Variants in HECTD4 observed in about 807,000 individuals in gnomAD.
The protein encoded by HECTD4 is HECT domain E3 ubiquitin protein ligase 4, also known as probable E3 ubiquitin-protein ligase HECTD4.
Under a neutral mutation model 471.5 loss-of-function variants are expected in HECTD4, and 114 were observed. The observed-to-expected ratio is 0.24, with a 90% confidence interval of 0.21 to 0.28. The LOEUF is 0.28. Ranked by LOEUF, HECTD4 falls within the 10% of genes least tolerant of loss-of-function variation. The probability of loss-of-function intolerance (pLI) is 1.00; values close to 1 mark genes in which losing one functional copy is unlikely to be tolerated. For synonymous variants in HECTD4, 2,012 were observed against 2,256.0 expected (o/e 0.89, Z 3.07); for missense variants, 3,866 against 5,651.5 (o/e 0.68, Z 10.13).
intron 16 of HECTD4, 99 bp downstream of exon 16, chr12:112,265,076 A>G (rs995876043): frequency 1.7e-6 from 2 of 1,145,416 alleles, no homozygotes; most frequent in Admixed American, 2.8e-5. Context: ...TTCATAAATT[A>G]TTGTAAGTCT....
At chr12:112,298,478 T>TA (rs1176562698) in intron 7 of HECTD4, among the ~76,000 whole-genome samples, 1 of 145,642 alleles carries the variant, frequency 6.9e-6, no homozygotes, top group African/African-American at 2.6e-5. Flanking sequence ...AAAATTATAT[T>TA]AATTTTTTTT....
intron 1 of HECTD4, among the ~76,000 whole-genome samples, chr12:112,338,240 G>C (rs752191439): frequency 3.3e-5 from 5 of 152,162 alleles, no homozygotes; most frequent in Non-Finnish European, 5.9e-5. Flanking sequence ...GTCTTATGTA[G>C]ACACTTATGA....
intron 62 of HECTD4, among the ~76,000 whole-genome samples, chr12:112,180,133 C>T (rs745524780): frequency 6.6e-6 from 1 of 152,246 alleles, no homozygotes; most frequent in Non-Finnish European, 1.5e-5. Flanking sequence ...CCTGGGGAGT[C>T]TGGCCTAGGC....
chr12:112,213,569 C>A lies in HECTD4; in HGVS notation c.7466-919G>T, dbSNP rs2032826329. On this transcript the variant is annotated intron_variant, in intron 48 of 75. Transcript: ENST00000682272. This position sits in a 1 kb window ranked among gnomAD's most constrained non-coding sequence, Gnocchi z 4.0. Reference sequence around the variant, plus strand: ...GGCTAGGTGGCAGGCACCTGTAGTCCCAGCTACTTGGGAGGCTGAGGCAGA... The same window carrying A: ...GGCTAGGTGGCAGGCACCTGTAGTCACAGCTACTTGGGAGGCTGAGGCAGA... Among the ~76,000 whole-genome samples, 1 of 151,646 alleles carries A rather than the reference C, an allele frequency of 6.6e-6. No homozygotes were observed. Among genetic ancestry groups the A allele is most frequent in the Admixed American group, 6.6e-5 (1 of 15,186 alleles).
chr12:112,181,528 T>G (rs1359774771), intron 62 of HECTD4, among the ~76,000 whole-genome samples: 1 of 152,132 alleles, frequency 6.6e-6, no homozygotes, highest in Non-Finnish European at 1.5e-5. Flanking sequence ...AGTGGCGTGA[T>G]CTCAGCTCAC....
At chr12:112,361,433 C>A (rs1006328068) in intron 1 of HECTD4, among the ~76,000 whole-genome samples, 1 of 151,986 alleles carries the variant, frequency 6.6e-6, no homozygotes, top group Admixed American at 6.6e-5. Context: ...CCACACCTGG[C>A]TAATTTTCTA....
At chr12:112,206,613 T>C (rs2032592115) in intron 52 of HECTD4, among the ~76,000 whole-genome samples, 1 of 147,732 alleles carries the variant, frequency 6.8e-6, no homozygotes. Context: ...CTCTGATCAC[T>C]GCAAGCTCTG....
chr12:112,311,179 T>C (rs1215812519), intron 4 of HECTD4, among the ~76,000 whole-genome samples: 1 of 151,956 alleles, frequency 6.6e-6, no homozygotes, highest in East Asian at 1.9e-4. Flanking sequence ...GGAGAATTGC[T>C]TGAACCTGGG....
At chr12:112,350,867 C>G (rs1310248195) in intron 1 of HECTD4, among the ~76,000 whole-genome samples, 1 of 152,162 alleles carries the variant, frequency 6.6e-6, no homozygotes, top group Non-Finnish European at 1.5e-5. Context: ...GCTAGGTCAA[C>G]TCTTTGGCTA....
chr12:112,343,953 TAAAAAGAC>T (rs1407880039), intron 1 of HECTD4, among the ~76,000 whole-genome samples: 1 of 152,208 alleles, frequency 6.6e-6, no homozygotes, highest in Non-Finnish European at 1.5e-5. Flanking sequence ...TTGATGTTTT[TAAAAAGAC>T]AATACTGTAT....
intron 32 of HECTD4, among the ~76,000 whole-genome samples, chr12:112,240,835 G>A (rs2033625197): frequency 6.6e-6 from 1 of 152,174 alleles, no homozygotes; most frequent in Non-Finnish European, 1.5e-5. Context: ...GTTATTAGCA[G>A]AAGATGAAAG....
rs750826991 is a variant in HECTD4, at chr12:112,184,044, T to G, written c.10779+143A>C. 1.7e-5 allele frequency: 13 copies of G among 780,074 alleles called. No individual in the cohort carries two copies. The highest frequency in any genetic ancestry group is 2.3e-5 in the Non-Finnish European group (11 of 475,586). The allele number at this position is 780,074 out of a possible 1,614,324, so 48.3% of individuals were successfully genotyped here. ...GAGACGTTACCCCAAGCAGCCTCAC[T>G]GTGCTCATTCCAAGGGCTGCCCCAG... On this transcript the variant is annotated intron_variant, in intron 61 of 75. Coordinates refer to ENST00000682272, the MANE Select transcript of HECTD4 (RefSeq NM_001388303.1). The surrounding 1 kb of genome is among the most constrained non-coding windows in gnomAD (Gnocchi z 9.1).
chr12:112,259,646 A>T (rs2034100545), intron 18 of HECTD4, among the ~76,000 whole-genome samples: 1 of 151,504 alleles, frequency 6.6e-6, no homozygotes, highest in East Asian at 1.9e-4. Context: ...CGGTCTCCCA[A>T]ATTGTTGGGA....
At chr12:112,357,813 T>C (rs1352815034) in intron 1 of HECTD4, among the ~76,000 whole-genome samples, 1 of 152,246 alleles carries the variant, frequency 6.6e-6, no homozygotes. Context: ...ATGAATGGCA[T>C]TAATCCAATT....
rs1270597862 is a variant in HECTD4 at position 112,235,078 on chromosome 12, T to A, written c.5914A>T (p.Ser1972Cys). ...AGCTATCACAATCATTATGGTCACC[T>A]TAGCAATGGCTGGAGGACTTCATGG... The part of the protein sequence containing the change: ...SSHEVLQPLL[S>C]SSEGRPFRLG... The change falls in exon 37 of 76, where the codon AGT (serine) becomes TGT (cysteine). Residue 1972 changes from serine to cysteine, a missense_variant and splice_region_variant. Coordinates refer to ENST00000682272, the MANE Select transcript of HECTD4 (RefSeq NM_001388303.1). This position sits in a 1 kb window ranked among gnomAD's most constrained non-coding sequence, Gnocchi z 5.0. 6.4e-7 allele frequency: 1 copy of A among 1,563,894 alleles called. No individual in the cohort carries two copies. The highest frequency in any genetic ancestry group is 1.4e-5 in the African/African-American group (1 of 73,920).
At chr12:112,267,715 C>T (rs1048429043) in intron 13 of HECTD4, among the ~76,000 whole-genome samples, 14 of 152,188 alleles carry the variant, frequency 9.2e-5, no homozygotes, top group African/African-American at 3.1e-4. Flanking sequence ...AAGTAAATTT[C>T]TAATTCTCAG....
intron 1 of HECTD4, among the ~76,000 whole-genome samples, chr12:112,366,142 A>G (rs1297997145): frequency 6.6e-6 from 1 of 152,120 alleles, no homozygotes; most frequent in East Asian, 1.9e-4. Flanking sequence ...TTTTATTCGC[A>G]TACTTTCAGC....
chr12:112,357,857 C>T (rs180864523), intron 1 of HECTD4, among the ~76,000 whole-genome samples: 1 of 152,320 alleles, frequency 6.6e-6, no homozygotes, highest in East Asian at 1.9e-4. Flanking sequence ...TAAACTGCTA[C>T]TACCATGTAT....
rs185464693 is a variant in HECTD4, at chr12:112,302,316, C to T, written c.1335+3748G>A. 281 of 761,566 alleles carry T rather than the reference C, an allele frequency of 3.7e-4. 1 individual carries two copies. The highest frequency in any genetic ancestry group is 3.4e-3 in the African/African-American group (200 of 58,658). 47.2% of individuals were successfully genotyped at this position (761,566 alleles called of 1,614,324 possible). On this transcript the variant is annotated intron_variant, in intron 7 of 75. Coordinates refer to ENST00000682272, the MANE Select transcript of HECTD4 (RefSeq NM_001388303.1). ...CCCCCTTTGCCAGCAGCTTTCTTCTCAGCCTGGGCCAACAGCCTCTGCTTC... is the reference window on the plus strand; with the variant it reads ...CCCCCTTTGCCAGCAGCTTTCTTCTTAGCCTGGGCCAACAGCCTCTGCTTC...
Sources: gnomAD v4.1 joint callset for allele counts (sites outside exome capture counted in the v4.1 genomes callset) on GRCh38, gnomAD v4.1.1 for gene constraint, Gnocchi (gnomAD v3.1) non-coding constraint, MANE v1.5 for transcripts, NCBI Gene and HGNC (gene_info 2026-07-23, HGNC 2026-07-21) for gene names.